The following FHIP1A variants were observed in gnomAD, a reference collection of about 807,000 sequenced individuals.
FHIP1A encodes the protein FHF complex subunit HOOK interacting protein 1A, also known as FHF complex subunit HOOK-interacting protein 1A.
FHIP1A carries 61 observed loss-of-function variants against 88.6 expected under a neutral mutation model. That is an observed-to-expected ratio of 0.69 (90% CI 0.56 to 0.85). The LOEUF (loss-of-function observed/expected upper bound fraction) is 0.85. FHIP1A is among the 40% of genes least tolerant of loss of function. FHIP1A has a pLI of 0.00. For missense variants in FHIP1A, 1,154 were observed against 1,273.5 expected (o/e 0.91, Z 1.43); for synonymous variants, 478 against 496.0 (o/e 0.96, Z 0.48).
chr4:151,599,487 AC>A (rs1734778782), intron 7 of FHIP1A, among the ~76,000 whole-genome samples: 1 of 152,202 alleles, frequency 6.6e-6, no homozygotes. Flanking sequence ...GAGCTTTCAG[AC>A]TGCAACACCA....
intron 3 of FHIP1A, among the ~76,000 whole-genome samples, chr4:151,528,698 G>C (rs1056718184): frequency 7.9e-5 from 12 of 152,122 alleles, no homozygotes; most frequent in Admixed American, 7.2e-4. Flanking sequence ...TTTTTTCACT[G>C]TTGTCGTTTG....
intron 9 of FHIP1A, among the ~76,000 whole-genome samples, chr4:151,642,987 C>G (rs915206192): frequency 6.6e-6 from 1 of 150,586 alleles, no homozygotes; most frequent in African/African-American, 2.4e-5. Context: ...TTTGCAAAAT[C>G]TGGACCTCTG....
chr4:151,530,301 G>A (rs1372976), intron 3 of FHIP1A, among the ~76,000 whole-genome samples: 77,437 of 151,748 alleles, frequency 0.51, 19,993 homozygotes, highest in Non-Finnish European at 0.55. Flanking sequence ...TTTTATGGTT[G>A]CCCTCAAGCA....
chr4:151,448,705 G>A (rs142431320), intron 1 of FHIP1A, among the ~76,000 whole-genome samples: 6 of 152,170 alleles, frequency 3.9e-5, no homozygotes, highest in African/African-American at 9.6e-5. Flanking sequence ...ATCATCTATC[G>A]ATGGGCACTT....
At chr4:151,646,794 C>A in intron 10 of FHIP1A, 46 bp downstream of exon 10, 1 of 1,348,342 alleles carries the variant, frequency 7.4e-7, no homozygotes, top group South Asian at 1.3e-5. Flanking sequence ...GATGCCAGTT[C>A]CATCTCGCCT....
chr4:151,419,473 C>T (rs2126517469), intron 1 of FHIP1A, among the ~76,000 whole-genome samples: 1 of 150,690 alleles, frequency 6.6e-6, no homozygotes, highest in Non-Finnish European at 1.5e-5. Flanking sequence ...GGTTCTGTTT[C>T]TCTGGAGAAC....
At chr4:151,558,608 A>C (rs1313311227) in intron 3 of FHIP1A, among the ~76,000 whole-genome samples, 2 of 152,196 alleles carry the variant, frequency 1.3e-5, no homozygotes, top group Non-Finnish European at 2.9e-5. Context: ...GCTTAAGTGA[A>C]GTTATGGTAA....
intron 2 of FHIP1A, among the ~76,000 whole-genome samples, chr4:151,468,561 C>G (rs994566046): frequency 6.6e-6 from 1 of 152,116 alleles, no homozygotes. Flanking sequence ...AAGTCTCAGG[C>G]AACTTTAGCT....
At chr4:151,500,495 C>A (rs1378110853) in intron 3 of FHIP1A, among the ~76,000 whole-genome samples, 1 of 151,142 alleles carries the variant, frequency 6.6e-6, no homozygotes, top group Non-Finnish European at 1.5e-5. Context: ...AATCCTGACC[C>A]CTGCCCCATG....
chr4:151,618,341 T>C (rs192312694), intron 7 of FHIP1A, among the ~76,000 whole-genome samples: 74 of 152,286 alleles, frequency 4.9e-4, no homozygotes, highest in African/African-American at 1.5e-3. Context: ...ACAGAGAGGG[T>C]AGATCATCTA....
chr4:151,514,319 T>G (rs1233037754), intron 3 of FHIP1A, among the ~76,000 whole-genome samples: 3 of 151,698 alleles, frequency 2.0e-5, no homozygotes, highest in Admixed American at 2.0e-4. Context: ...TAGAGGGAAA[T>G]TTATAGCACT....
At chr4:151,495,509 A>T (rs996188829) in intron 3 of FHIP1A, among the ~76,000 whole-genome samples, 4 of 151,882 alleles carry the variant, frequency 2.6e-5, no homozygotes, top group African/African-American at 9.7e-5. Flanking sequence ...CAAAAAAAAA[A>T]GAAAGTAAAG....
chr4:151,526,898 A>T (rs1731684453), intron 3 of FHIP1A, among the ~76,000 whole-genome samples: 1 of 146,700 alleles, frequency 6.8e-6, no homozygotes, highest in Non-Finnish European at 1.5e-5. Flanking sequence ...GCGGCAGGGC[A>T]GAGGCGCTCC....
intron 2 of FHIP1A, among the ~76,000 whole-genome samples, chr4:151,481,272 C>T (rs2040670715): frequency 6.6e-6 from 1 of 151,790 alleles, no homozygotes; most frequent in African/African-American, 2.4e-5. Flanking sequence ...TTTATTGTAA[C>T]TCATAACATT....
intron 3 of FHIP1A, among the ~76,000 whole-genome samples, chr4:151,545,934 G>A (rs1459908635): frequency 6.6e-6 from 1 of 152,154 alleles, no homozygotes; most frequent in African/African-American, 2.4e-5. Context: ...GGGCCCATGT[G>A]ATGGTTAATT....
chr4:151,475,220 T>A (rs549746279), intron 2 of FHIP1A, among the ~76,000 whole-genome samples: 33 of 152,216 alleles, frequency 2.2e-4, no homozygotes, highest in Non-Finnish European at 3.4e-4. Flanking sequence ...CTCTTGGTGC[T>A]GGGAAGTGAG....
intron 1 of FHIP1A, among the ~76,000 whole-genome samples, chr4:151,453,637 G>A (rs1466275352): frequency 6.6e-6 from 1 of 152,188 alleles, no homozygotes; most frequent in Non-Finnish European, 1.5e-5. Context: ...GATCACCTGA[G>A]GTCGGGAGTT....
chr4:151,547,768 G>A (rs960718777), intron 3 of FHIP1A, among the ~76,000 whole-genome samples: 21 of 152,104 alleles, frequency 1.4e-4, no homozygotes, highest in African/African-American at 4.8e-4. Context: ...ATAAAAATTA[G>A]CTGGGCATGG....
At position 151,454,788 on chromosome 4, in the gene FHIP1A, G is replaced by C. The variant is rs1363631361; in HGVS notation, c.-268G>C. 6.6e-6 allele frequency: 1 copy of C among 152,064 alleles called. No individual in the cohort carries two copies. Among genetic ancestry groups the C allele is most frequent in the Non-Finnish European group, 1.5e-5 (1 of 68,022 alleles). The allele number at this position is 152,064 out of a possible 1,614,324, so 9.4% of individuals were successfully genotyped here. A position where few individuals can be genotyped will look rare whatever the true frequency, so the allele number is the denominator to read the frequency against. On this transcript the variant is annotated 5_prime_UTR_variant, in exon 2 of 14. Transcript: ENST00000435205. ...ATGTTTCGTTATAACTGCCTGGAAG[G>C]TTAGCGTCAAAGAAGTTGAGGTAGG...
Sources: allele counts gnomAD v4.1 joint callset (sites outside exome capture counted in the v4.1 genomes callset), GRCh38; gene constraint gnomAD v4.1.1; transcripts MANE v1.5; gene names NCBI Gene and HGNC (gene_info 2026-07-23, HGNC 2026-07-21).